Variants in POLE2 observed in about 807,000 individuals in gnomAD.
The protein encoded by POLE2 is DNA polymerase epsilon subunit 2.
Under a neutral mutation model 79.4 loss-of-function variants are expected in POLE2, and 56 were observed. The ratio of observed to expected loss-of-function variants is 0.71; its 90% CI spans 0.57 to 0.88. The LOEUF (loss-of-function observed/expected upper bound fraction) is 0.88. Ranked by LOEUF, POLE2 falls within the 40% of genes least tolerant of loss-of-function variation. The probability of loss-of-function intolerance (pLI) is 0.00; values close to 1 mark genes in which losing one functional copy is unlikely to be tolerated. For missense variants in POLE2, 598 were observed against 638.9 expected (o/e 0.94, Z 0.69); for synonymous variants, 212 against 214.0 (o/e 0.99, Z 0.08).
chr14:49,686,224 T>C (rs1411814887), intron 1 of POLE2, among the ~76,000 whole-genome samples: 2 of 152,068 alleles, frequency 1.3e-5, no homozygotes, highest in Non-Finnish European at 2.9e-5. Flanking sequence ...GCAAAAGGGA[T>C]AGAATAACTT....
At position 49,657,516 on chromosome 14, in the gene POLE2, C is replaced by T. The variant is rs193247502; in HGVS notation, c.756-1673G>A. On this transcript the variant is annotated intron_variant, in intron 10 of 18. Transcript: ENST00000216367. The stretch of plus-strand genomic sequence containing the variant: ...GCTGCAGCGGTGCGATCTCAGCTCA[C>T]TGCAACCTTCATCTCCCGGGTTCAA... Among the ~76,000 whole-genome samples, 131 of 151,774 alleles carry T rather than the reference C, an allele frequency of 8.6e-4. 1 individual carries two copies. Among genetic ancestry groups the T allele is most frequent in the African/African-American group, 3.1e-3 (127 of 41,358 alleles).
At chr14:49,649,997 A>G (rs2139608128) in intron 17 of POLE2, 1 of 196,354 alleles carries the variant, frequency 5.1e-6, no homozygotes, top group Middle Eastern at 2.0e-3. Context: ...GAAGAGGAGA[A>G]AATTACTCTT....
intron 10 of POLE2, among the ~76,000 whole-genome samples, chr14:49,662,987 A>G (rs191098707): frequency 4.6e-5 from 7 of 152,376 alleles, no homozygotes; most frequent in Non-Finnish European, 1.0e-4. Flanking sequence ...AGAATTTTAT[A>G]TTAACATGGA....
At chr14:49,687,300 CCACA>C (rs60811856) in intron 1 of POLE2, among the ~76,000 whole-genome samples, 9,490 of 139,614 alleles carry the variant, frequency 0.068, 358 homozygotes, top group African/African-American at 0.12. Context: ...TACACACACA[CCACA>C]CACACACACA....
At position 49,659,749 on chromosome 14, in the gene POLE2, TTTG is replaced by T. The variant is rs1052833544; in HGVS notation, c.755+3563_755+3565del. On this transcript the variant is annotated intron_variant, in intron 10 of 18. Transcript: ENST00000216367. Reference sequence around the variant, plus strand: ...GTACACACTGCCACACCCAGCTAATTTTGTTGTTGTTGTTGTTGGTAGAGATGA... The same window carrying T: ...GTACACACTGCCACACCCAGCTAATTTTGTTGTTGTTGTTGGTAGAGATGA... Among the ~76,000 whole-genome samples the T allele has an allele frequency of 5.9e-5, 9 of 151,696 alleles. No individual in the cohort carries two copies. In the East Asian group the frequency reaches 1.5e-3, roughly 26 times the overall value.
chr14:49,677,058 G>A (rs528719372), intron 3 of POLE2, among the ~76,000 whole-genome samples: 2 of 152,330 alleles, frequency 1.3e-5, no homozygotes, highest in Non-Finnish European at 2.9e-5. Context: ...CCAGAACCTG[G>A]GGGAGAGTGG....
chr14:49,658,842 T>C (rs1402339995), intron 10 of POLE2, among the ~76,000 whole-genome samples: 1 of 152,248 alleles, frequency 6.6e-6, no homozygotes, highest in East Asian at 1.9e-4. Flanking sequence ...ACTATGTTAC[T>C]AGTTTATGTA....
intron 5 of POLE2, 146 bp from the exon 6 acceptor site, chr14:49,669,744 C>T: frequency 1.7e-6 from 1 of 589,062 alleles, no homozygotes; most frequent in Non-Finnish European, 3.0e-6. Flanking sequence ...CATAATTTAA[C>T]ATACAAATAT....
At chr14:49,665,043 A>G (rs1885377406) in intron 8 of POLE2, 64 bp downstream of exon 8, 2 of 774,634 alleles carry the variant, frequency 2.6e-6, no homozygotes, top group Non-Finnish European at 4.5e-6. Context: ...TTAGAAGGAT[A>G]TATAATCAAT....
chr14:49,653,810 G>A, intron 15 of POLE2, 180 bp downstream of exon 15: 3 of 506,848 alleles, frequency 5.9e-6, no homozygotes, highest in South Asian at 2.4e-5. Flanking sequence ...ACCAAGCCCA[G>A]CTAATTTTTG....
intron 15 of POLE2, among the ~76,000 whole-genome samples, chr14:49,652,503 A>ATCTGTAT (rs1043732429): frequency 1.1e-4 from 16 of 152,106 alleles, no homozygotes; most frequent in African/African-American, 3.9e-4. Context: ...GCAAAGCTTC[A>ATCTGTAT]TCTGTATTTA....
chr14:49,659,701 T>C (rs558402382), intron 10 of POLE2, among the ~76,000 whole-genome samples: 1 of 152,230 alleles, frequency 6.6e-6, no homozygotes, highest in Non-Finnish European at 1.5e-5. Context: ...CCACTTCAGC[T>C]TGCCAAGTAG....
chr14:49,649,260 C>CCTCA (rs1566526657), intron 17 of POLE2, among the ~76,000 whole-genome samples: 1 of 147,938 alleles, frequency 6.8e-6, no homozygotes, highest in Non-Finnish European at 1.5e-5. Context: ...CATTCTCCTA[C>CCTCA]CTCAGCCTCC....
At chr14:49,663,239 T>A (rs1017095557) in intron 10 of POLE2, 76 bp downstream of exon 10, 1 of 629,730 alleles carries the variant, frequency 1.6e-6, no homozygotes, top group African/African-American at 1.9e-5. Context: ...GTAACTGAGA[T>A]ATGACGTACT....
chr14:49,679,635 T>G lies in POLE2; in HGVS notation c.245+90A>C, dbSNP rs150087168. The G allele has an allele frequency of 4.5e-5, 31 of 691,618 alleles. No individual in the cohort carries two copies. The East Asian group carries it at 7.9e-4, about 18-fold the overall frequency. The allele number at this position is 691,618 out of a possible 1,614,324, so 42.8% of individuals were successfully genotyped here. A position where few individuals can be genotyped will look rare whatever the true frequency, so the allele number is the denominator to read the frequency against. Reference sequence around the variant, plus strand: ...AACAACAGTAATCACTGTAGAAACGTTGATCACTAATAATTTTCCAAGACA... The same window carrying G: ...AACAACAGTAATCACTGTAGAAACGGTGATCACTAATAATTTTCCAAGACA... On this transcript the variant is annotated intron_variant, in intron 3 of 18. Coordinates refer to ENST00000216367, the MANE Select transcript of POLE2 (RefSeq NM_002692.4).
At position 49,687,523 on chromosome 14, in the gene POLE2, G is replaced by A. The variant is rs1170353279; in HGVS notation, c.68+613C>T. 5.9e-5 allele frequency among the ~76,000 whole-genome samples: 9 copies of A among 151,978 alleles called. No individual in the cohort carries two copies. The East Asian group carries it at 1.7e-3, about 29-fold the overall frequency. On this transcript the variant is annotated intron_variant, in intron 1 of 18. Transcript: ENST00000216367. The stretch of plus-strand genomic sequence containing the variant: ...CATCTTATGTCTCAGCAACCTTCCC[G>A]GGAGCCTGAGAGCTGTCCAGGTCAC...
In POLE2 at chr14:49,654,071, T is replaced by C; in HGVS notation, c.1134-4A>G. On this transcript the variant is annotated splice_region_variant and splice_polypyrimidine_tract_variant and intron_variant, in intron 14 of 18. Transcript: ENST00000216367. Reference sequence around the variant, plus strand: ...GATGCTTTCAGCAAGTGGTGGCCTATAAAAACAATTTATGTGATATAGTTT... The same window carrying C: ...GATGCTTTCAGCAAGTGGTGGCCTACAAAAACAATTTATGTGATATAGTTT... 6.2e-7 allele frequency: 1 copy of C among 1,600,094 alleles called. No individual in the cohort carries two copies. Among genetic ancestry groups the C allele is most frequent in the East Asian group, 2.2e-5 (1 of 44,816 alleles).
chr14:49,644,582 G>A (rs1427098397), intron 18 of POLE2, among the ~76,000 whole-genome samples: 1 of 151,332 alleles, frequency 6.6e-6, no homozygotes, highest in Admixed American at 6.6e-5. Flanking sequence ...AAAACATACA[G>A]AAGTGATAGG....
At chr14:49,669,203 G>T (rs572445473) in intron 6 of POLE2, among the ~76,000 whole-genome samples, 1 of 152,278 alleles carries the variant, frequency 6.6e-6, no homozygotes, top group Admixed American at 6.5e-5. Context: ...ATGAGTGAGG[G>T]CAAGAAAAGA....
Sources: allele counts gnomAD v4.1 joint callset (sites outside exome capture counted in the v4.1 genomes callset), GRCh38; gene constraint gnomAD v4.1.1; transcripts MANE v1.5; gene names NCBI Gene and HGNC (gene_info 2026-07-23, HGNC 2026-07-21).